Variants in EPB41L4B observed in about 807,000 individuals in gnomAD.
EPB41L4B encodes erythrocyte membrane protein band 4.1 like 4B, also known as band 4.1-like protein 4B.
Under a neutral mutation model 112.5 loss-of-function variants are expected in EPB41L4B, and 30 were observed. The observed-to-expected ratio is 0.27, with a 90% confidence interval of 0.20 to 0.36. The LOEUF (loss-of-function observed/expected upper bound fraction) is 0.36, where lower values mean the gene tolerates loss of function less well. EPB41L4B is among the 10% of genes least tolerant of loss of function. EPB41L4B has a pLI of 1.00. For synonymous variants in EPB41L4B, 408 were observed against 439.7 expected (o/e 0.93, Z 0.90); for missense variants, 1,024 against 1,133.3 (o/e 0.90, Z 1.38).
At chr9:109,314,060 G>C (rs1383932009) in intron 1 of EPB41L4B, among the ~76,000 whole-genome samples, 1 of 152,196 alleles carries the variant, frequency 6.6e-6, no homozygotes, top group East Asian at 1.9e-4. Flanking sequence ...ACACCCAGAT[G>C]AATCAGCAGC....
At chr9:109,233,352 G>C (rs983144393) in intron 15 of EPB41L4B, among the ~76,000 whole-genome samples, 7 of 151,820 alleles carry the variant, frequency 4.6e-5, no homozygotes, top group Non-Finnish European at 1.0e-4. Context: ...ATGATGTCTG[G>C]GTGGGTATCT....
At chr9:109,243,212 CAAAAAA>C (rs58092749) in intron 15 of EPB41L4B, among the ~76,000 whole-genome samples, 1 of 52,286 alleles carries the variant, frequency 1.9e-5, no homozygotes, top group Non-Finnish European at 3.1e-5. Context: ...CCCACCCCCG[CAAAAAA>C]AAAAAAAAAA....
intron 20 of EPB41L4B, among the ~76,000 whole-genome samples, chr9:109,198,450 C>T (rs567420829): frequency 6.6e-6 from 1 of 152,216 alleles, no homozygotes; most frequent in Non-Finnish European, 1.5e-5. Context: ...CAAACAGTCA[C>T]TTTTCCAAGA....
chr9:109,180,582 C>T (rs1320117355), intron 24 of EPB41L4B, among the ~76,000 whole-genome samples: 1 of 152,218 alleles, frequency 6.6e-6, no homozygotes. Flanking sequence ...TTCCCTCCGC[C>T]TGCCCTGCTG....
chr9:109,205,567 G>C (rs1193137561), intron 18 of EPB41L4B, among the ~76,000 whole-genome samples: 1 of 152,126 alleles, frequency 6.6e-6, no homozygotes, highest in Non-Finnish European at 1.5e-5. Context: ...TGAAAATAAA[G>C]AATTTGTGAC....
intron 6 of EPB41L4B, among the ~76,000 whole-genome samples, chr9:109,261,129 C>T (rs1457184981): frequency 1.3e-5 from 2 of 152,134 alleles, no homozygotes; most frequent in African/African-American, 4.8e-5. Flanking sequence ...GGCCGGAGTG[C>T]GGAGGCCACG....
intron 1 of EPB41L4B, among the ~76,000 whole-genome samples, chr9:109,296,491 T>C (rs1166855570): frequency 6.6e-6 from 1 of 152,184 alleles, no homozygotes; most frequent in African/African-American, 2.4e-5. Flanking sequence ...AAGGATTATA[T>C]GAAATGATGA....
intron 15 of EPB41L4B, among the ~76,000 whole-genome samples, chr9:109,221,294 G>A (rs1322874265): frequency 1.3e-5 from 2 of 152,170 alleles, no homozygotes; most frequent in East Asian, 3.8e-4. Flanking sequence ...GTGCAGCTAG[G>A]ATTTGACGAC....
At chr9:109,226,311 AG>A (rs1833757546) in intron 15 of EPB41L4B, among the ~76,000 whole-genome samples, 1 of 152,040 alleles carries the variant, frequency 6.6e-6, no homozygotes, top group Non-Finnish European at 1.5e-5. Context: ...TTCCAAAAGC[AG>A]CCATGAGTTC....
chr9:109,233,297 T>C (rs571936408), intron 15 of EPB41L4B, among the ~76,000 whole-genome samples: 1 of 152,264 alleles, frequency 6.6e-6, no homozygotes, highest in African/African-American at 2.4e-5. Flanking sequence ...TAATTGTAAC[T>C]AGAAGTACAT....
chr9:109,227,324 T>C (rs1564279658), intron 15 of EPB41L4B, among the ~76,000 whole-genome samples: 1 of 152,150 alleles, frequency 6.6e-6, no homozygotes, highest in Non-Finnish European at 1.5e-5. Flanking sequence ...GATAGTAACT[T>C]GAATTCTTGA....
intron 5 of EPB41L4B, among the ~76,000 whole-genome samples, chr9:109,264,161 C>G (rs1311299200): frequency 6.6e-6 from 1 of 152,166 alleles, no homozygotes; most frequent in Non-Finnish European, 1.5e-5. Flanking sequence ...GTACAATCTA[C>G]TTGTTCTATT....
In EPB41L4B at chr9:109,287,693, G is replaced by T. The variant is rs77921295; in HGVS notation, c.307-7772C>A. Among the ~76,000 whole-genome samples, 1,426 of 152,218 alleles carry T rather than the reference G, an allele frequency of 9.4e-3. 21 individuals are homozygous for T. The highest frequency in any genetic ancestry group is 0.033 in the African/African-American group (1,359 of 41,510). On this transcript the variant is annotated intron_variant, in intron 1 of 25. Coordinates refer to ENST00000374566, the MANE Select transcript of EPB41L4B (RefSeq NM_019114.5). The stretch of plus-strand genomic sequence containing the variant: ...CTGTTACCCCGGGTGGATTACAGTG[G>T]TGTCATCATGGCTAACACCAGCCTT...
At chr9:109,296,239 T>C (rs951883237) in intron 1 of EPB41L4B, among the ~76,000 whole-genome samples, 2 of 152,232 alleles carry the variant, frequency 1.3e-5, no homozygotes, top group East Asian at 3.8e-4. Flanking sequence ...GGCATGTCAA[T>C]GCTATCTCGC....
intron 2 of EPB41L4B, among the ~76,000 whole-genome samples, chr9:109,272,075 C>A (rs1189605905): frequency 6.6e-6 from 1 of 152,184 alleles, no homozygotes. Flanking sequence ...CAACTCTCTG[C>A]TGGAACATCT....
intron 17 of EPB41L4B, 111 bp from the exon 18 acceptor site, chr9:109,208,160 A>G (rs1833046249): frequency 1.5e-6 from 2 of 1,293,952 alleles, no homozygotes; most frequent in African/African-American, 3.0e-5. Flanking sequence ...ATACATAGAC[A>G]GGGGTGTCAC....
chr9:109,319,109 C>T (rs1426827013), intron 1 of EPB41L4B, among the ~76,000 whole-genome samples: 3 of 152,250 alleles, frequency 2.0e-5, no homozygotes, highest in African/African-American at 4.8e-5. Context: ...TCCTCAGTCA[C>T]ACCCAGAAAT....
intron 24 of EPB41L4B, among the ~76,000 whole-genome samples, chr9:109,181,284 G>A (rs976136623): frequency 1.3e-5 from 2 of 152,156 alleles, no homozygotes; most frequent in Admixed American, 6.5e-5. Flanking sequence ...TTACAGGCAT[G>A]AGCCACTGTG....
intron 1 of EPB41L4B, among the ~76,000 whole-genome samples, chr9:109,283,572 T>C (rs1441366252): frequency 6.6e-6 from 1 of 152,108 alleles, no homozygotes; most frequent in Non-Finnish European, 1.5e-5. Flanking sequence ...TTATACAAGA[T>C]AATTACGAAG....
Sources: gnomAD v4.1 joint callset for allele counts (sites outside exome capture counted in the v4.1 genomes callset) on GRCh38, gnomAD v4.1.1 for gene constraint, MANE v1.5 for transcripts, NCBI Gene and HGNC (gene_info 2026-07-23, HGNC 2026-07-21) for gene names.